Variants in KANTR observed in about 807,000 individuals in gnomAD.
KANTR encodes the protein KDM5C adjacent transcript.
intron 2 of KANTR, among the ~76,000 whole-genome samples, chrX:53,136,808 A>G (rs1933432017): frequency 2.3e-5 from 2 of 87,866 alleles, no homozygotes; most frequent in African/African-American, 8.1e-5. Context: ...CAATGGCACA[A>G]TCTCGGCTTA....
At position 53,119,911 on chromosome X, in the gene KANTR, T is replaced by A. The variant is rs189570978; in HGVS notation, c.-804-3558T>A. ...TTTTGTATTTTTTGTAGAGACAGGG[T>A]TCCCCCCATGTTAACCAGGCTGTTC... On this transcript the variant is annotated intron_variant, in intron 2 of 2. Coordinates refer to ENST00000604062, the Ensembl canonical transcript of KANTR. Among the ~76,000 whole-genome samples, 754 of 109,865 alleles carry A rather than the reference T, an allele frequency of 6.9e-3. 5 individuals are homozygous for A. Among genetic ancestry groups the A allele is most frequent in the African/African-American group, 0.024 (712 of 30,072 alleles).
intron 2 of KANTR, among the ~76,000 whole-genome samples, chrX:53,116,631 G>A (rs1602120497): frequency 1.8e-5 from 2 of 111,491 alleles, no homozygotes; most frequent in East Asian, 5.7e-4. Flanking sequence ...GTGAAATGTC[G>A]TAGACCTCAC....
At chrX:53,112,026 G>A in intron 2 of KANTR, among the ~76,000 whole-genome samples, 1 of 110,219 alleles carries the variant, frequency 9.1e-6, no homozygotes, top group African/African-American at 3.3e-5. Context: ...TTGGTTACAT[G>A]GGTAAATTCT....
intron 1 of KANTR, among the ~76,000 whole-genome samples, chrX:53,099,100 G>C (rs1211471073): frequency 9.0e-6 from 1 of 111,558 alleles, no homozygotes; most frequent in Non-Finnish European, 1.9e-5. Flanking sequence ...GCCTGGCACA[G>C]TGGCTTATGC....
At chrX:53,138,967 C>T (rs907945403) in intron 2 of KANTR, among the ~76,000 whole-genome samples, 4 of 110,234 alleles carry the variant, frequency 3.6e-5, no homozygotes, top group Non-Finnish European at 7.6e-5. Flanking sequence ...GTAATCTCAG[C>T]GCTTTGGGAG....
intron 1 of KANTR, among the ~76,000 whole-genome samples, chrX:53,097,044 A>T (rs1165999726): frequency 9.1e-6 from 1 of 110,043 alleles, no homozygotes; most frequent in African/African-American, 3.3e-5. Context: ...GAGGCAGGAG[A>T]ATCGCTTGAA....
Position 53,136,673 on chromosome X carries a change from G to A in KANTR, n.204-5175G>A, listed in dbSNP as rs782636847. Among the ~76,000 whole-genome samples the A allele has an allele frequency of 8.1e-5, 4 of 49,395 alleles. No homozygotes were observed. The East Asian group carries it at 2.2e-3, about 27-fold the overall frequency. The allele number at this position is 49,395 out of a possible 115,157, so 42.9% of individuals were successfully genotyped here. A position where few individuals can be genotyped will look rare whatever the true frequency, so the allele number is the denominator to read the frequency against. ...GCCTCCCGAGTAGCTGGGATTACAG[G>A]CAAGATCTACCACGCCCGGCATATA... On this transcript the variant is annotated intron_variant and non_coding_transcript_variant, in intron 2 of 2. Transcript: ENST00000366185.
At chrX:53,102,725 G>A (rs1478475107) in intron 2 of KANTR, among the ~76,000 whole-genome samples, 1 of 111,273 alleles carries the variant, frequency 9.0e-6, no homozygotes, top group Non-Finnish European at 1.9e-5. Flanking sequence ...TATACCATCA[G>A]CTACCACTCT....
chrX:53,140,841 A>G (rs1933493080), intron 2 of KANTR, among the ~76,000 whole-genome samples: 1 of 112,258 alleles, frequency 8.9e-6, no homozygotes, highest in Admixed American at 9.5e-5. Context: ...TATCTCTAAC[A>G]TTTGTAACTG....
At chrX:53,138,646 G>A (rs908059655) in intron 2 of KANTR, among the ~76,000 whole-genome samples, 6 of 107,949 alleles carry the variant, frequency 5.6e-5, no homozygotes, top group African/African-American at 1.0e-4. Flanking sequence ...TGGAGGTTGC[G>A]GTGAGCTAAG....
At chrX:53,110,712 C>G (rs782426439) in intron 2 of KANTR, among the ~76,000 whole-genome samples, 5 of 111,468 alleles carry the variant, frequency 4.5e-5, no homozygotes, top group Non-Finnish European at 9.4e-5. Context: ...ATCACAAGGT[C>G]AGGAGTTTGA....
chrX:53,116,591 G>A (rs1933127226), intron 2 of KANTR, among the ~76,000 whole-genome samples: 1 of 111,757 alleles, frequency 8.9e-6, no homozygotes, highest in South Asian at 3.8e-4. Flanking sequence ...GATAGGGAGG[G>A]TTAGGGAGGG....
At position 53,140,234 on chromosome X, in the gene KANTR, C is replaced by T. The variant is rs1013581893; in HGVS notation, n.204-1614C>T. On this transcript the variant is annotated intron_variant and non_coding_transcript_variant, in intron 2 of 2. Transcript: ENST00000366185. Reference sequence around the variant, plus strand: ...TTACTGGGCCAGGTGCGGTGGCTCACGCCTGCAATCCCAGCACTTTGGAAG... The same window carrying T: ...TTACTGGGCCAGGTGCGGTGGCTCATGCCTGCAATCCCAGCACTTTGGAAG... Among the ~76,000 whole-genome samples, 4 of 111,911 alleles carry T rather than the reference C, an allele frequency of 3.6e-5. No individual in the cohort carries two copies. In the East Asian group the frequency reaches 1.1e-3, roughly 32 times the overall value.
At chrX:53,122,680 T>G (rs1933242998) in intron 2 of KANTR, among the ~76,000 whole-genome samples, 1 of 112,244 alleles carries the variant, frequency 8.9e-6, no homozygotes, top group Admixed American at 9.5e-5. Context: ...AAATGCCTTT[T>G]CTGTTTCTTA....
chrX:53,094,569 T>C (rs1474820281), intron 1 of KANTR: 2 of 111,856 alleles, frequency 1.8e-5, no homozygotes, highest in African/African-American at 6.5e-5. Context: ...CATGCAGGTC[T>C]GCCGCTCACG....
intron 2 of KANTR, among the ~76,000 whole-genome samples, chrX:53,115,881 T>C (rs1644152989): frequency 8.9e-6 from 1 of 111,970 alleles, no homozygotes; most frequent in African/African-American, 3.2e-5. Flanking sequence ...TATTTTCGTG[T>C]ATGGATTGTT....
intron 2 of KANTR, among the ~76,000 whole-genome samples, chrX:53,110,963 T>A (rs1335756122): frequency 2.7e-5 from 3 of 109,682 alleles, no homozygotes; most frequent in African/African-American, 9.9e-5. Flanking sequence ...CTTCTTCAGT[T>A]TTTTGGAAGA....
downstream of KANTR, among the ~76,000 whole-genome samples, chrX:53,147,612 T>C (rs1372032957): frequency 9.0e-6 from 1 of 111,463 alleles, no homozygotes; most frequent in Non-Finnish European, 1.9e-5. Flanking sequence ...CTGCACCAAG[T>C]GTACCTAATA....
intron 2 of KANTR, among the ~76,000 whole-genome samples, chrX:53,110,425 A>G (rs180918823): frequency 1.8e-5 from 2 of 112,039 alleles, no homozygotes; most frequent in Admixed American, 1.9e-4. Context: ...TCATTCTGCT[A>G]ATTTGCATGT....
Sources: allele counts gnomAD v4.1 joint callset (sites outside exome capture counted in the v4.1 genomes callset), GRCh38; gene constraint gnomAD v4.1.1; transcripts MANE v1.5; gene names NCBI Gene and HGNC (gene_info 2026-07-23, HGNC 2026-07-21).